AK8: variants seen among roughly 807,000 people sequenced by gnomAD.
AK8 encodes adenylate kinase 8, also known as ATP-AMP transphosphorylase 8.
A neutral mutation model predicts 54.6 loss-of-function variants in AK8; 44 were observed. The observed-to-expected ratio is 0.81, with a 90% CI of 0.63 to 1.04. AK8 has a LOEUF of 1.04. Ranked by LOEUF, AK8 falls within the 50% of genes least tolerant of loss-of-function variation. AK8 has a pLI of 0.00. For synonymous variants in AK8, 239 were observed against 245.6 expected, an observed-to-expected ratio of 0.97 and a Z score of 0.25; for missense variants, 555 against 613.6, an observed-to-expected ratio of 0.90 and a Z score of 1.01.
At chr9:132,758,453 T>G (rs1226363822) in intron 11 of AK8, among the ~76,000 whole-genome samples, 1 of 152,146 alleles carries the variant, frequency 6.6e-6, no homozygotes, top group Non-Finnish European at 1.5e-5. Flanking sequence ...TTTTGTTTGT[T>G]TGTTTATGTT....
intron 11 of AK8, among the ~76,000 whole-genome samples, chr9:132,788,063 T>A (rs1839791194): frequency 6.6e-6 from 1 of 152,032 alleles, no homozygotes. Context: ...ACTGACAGAT[T>A]ACACAATATG....
At chr9:132,813,865 A>C (rs1481072942) in intron 10 of AK8, among the ~76,000 whole-genome samples, 10 of 152,212 alleles carry the variant, frequency 6.6e-5, no homozygotes. Context: ...GCGAGCATCT[A>C]ACTGCTGAGG....
At chr9:132,733,597 G>A (rs1311562340) in intron 11 of AK8, among the ~76,000 whole-genome samples, 3 of 152,222 alleles carry the variant, frequency 2.0e-5, no homozygotes, top group African/African-American at 4.8e-5. Flanking sequence ...GGACAGCCTC[G>A]CTGCGGAGGG....
At chr9:132,729,683 A>C (rs532480943) in intron 11 of AK8, among the ~76,000 whole-genome samples, 1 of 152,276 alleles carries the variant, frequency 6.6e-6, no homozygotes, top group African/African-American at 2.4e-5. Context: ...TAGGCACTAA[A>C]TTTAAGAGTC....
At chr9:132,784,562 AGAAAGAGAAG>A in intron 11 of AK8, among the ~76,000 whole-genome samples, 1 of 152,238 alleles carries the variant, frequency 6.6e-6, no homozygotes, top group Middle Eastern at 3.4e-3. Context: ...AGAGAAAGAA[AGAAAGAGAAG>A]GAAAGAGAAA....
In AK8 at chr9:132,877,645, C is replaced by T. The variant is rs188049635; in HGVS notation, c.84+527G>A. The T allele has an allele frequency of 5.9e-5, 20 of 337,930 alleles. No individual in the cohort carries two copies. The East Asian group carries it at 1.6e-3, about 27-fold the overall frequency. 20.9% of individuals were successfully genotyped at this position (337,930 alleles called of 1,614,324 possible). ...ATGAGAGCTTCGGAGCTGCCGGGGA[C>T]GTCTGGCCCTGAGGAGGAGGGACCA... On this transcript the variant is annotated intron_variant, in intron 1 of 12. Coordinates refer to ENST00000298545, the MANE Select transcript of AK8 (RefSeq NM_152572.3).
Position 132,799,434 on chromosome 9 carries a change from C to T in AK8, c.980-6659G>A, listed in dbSNP as rs556886256. Among the ~76,000 whole-genome samples the T allele has an allele frequency of 7.9e-5, 12 of 152,192 alleles. No individual in the cohort carries two copies. The South Asian group carries it at 2.3e-3, about 29-fold the overall frequency. ...GGGCAAACAGGAAAGAGCTGAGTGC[C>T]TCCCCACACACCCTTGCACATGCCC... On this transcript the variant is annotated intron_variant, in intron 10 of 12. Transcript: ENST00000298545. The surrounding 1 kb of genome is among the most constrained non-coding windows in gnomAD (Gnocchi z 5.0).
chr9:132,740,117 C>T (rs550444473), intron 11 of AK8, among the ~76,000 whole-genome samples: 82 of 152,342 alleles, frequency 5.4e-4, no homozygotes, highest in African/African-American at 1.6e-3. Flanking sequence ...TGGTGCAGCC[C>T]AGTTCTAGCA....
At chr9:132,815,856 G>T (rs1161790446) in intron 9 of AK8, among the ~76,000 whole-genome samples, 1 of 152,254 alleles carries the variant, frequency 6.6e-6, no homozygotes, top group Non-Finnish European at 1.5e-5. Flanking sequence ...TTAGGGCTAA[G>T]AAGTTTTCTG....
chr9:132,739,441 C>CA (rs768297504), intron 11 of AK8, among the ~76,000 whole-genome samples: 352 of 31,158 alleles, frequency 0.011, 81 homozygotes, highest in African/African-American at 0.019. Flanking sequence ...GACTCTGTCT[C>CA]AAAAAAAAAA....
At chr9:132,847,619 C>A (rs989694576) in intron 5 of AK8, among the ~76,000 whole-genome samples, 1 of 152,092 alleles carries the variant, frequency 6.6e-6, no homozygotes, top group African/African-American at 2.4e-5. Flanking sequence ...AGGAGTACCA[C>A]CCCCCTATAT....
chr9:132,778,184 G>T (rs1423871551), intron 11 of AK8, among the ~76,000 whole-genome samples: 1 of 152,196 alleles, frequency 6.6e-6, no homozygotes, highest in African/African-American at 2.4e-5. Flanking sequence ...CACAGTCAAT[G>T]ATATGTATTC....
chr9:132,808,844 C>T lies in AK8; in HGVS notation c.979+5794G>A, dbSNP rs561850469. Among the ~76,000 whole-genome samples, 3 of 152,314 alleles carry T rather than the reference C, an allele frequency of 2.0e-5. No homozygotes were observed. The East Asian group carries it at 5.8e-4, about 29-fold the overall frequency. On this transcript the variant is annotated intron_variant, in intron 10 of 12. Transcript: ENST00000298545. ...AGCAGAAGGCCAGCAGCCGGGAGCA[C>T]AGGCAGGGCGGAGTCCCCAGGGAAG...
At chr9:132,873,364 G>A (rs1843939942) in intron 2 of AK8, among the ~76,000 whole-genome samples, 1 of 152,150 alleles carries the variant, frequency 6.6e-6, no homozygotes, top group South Asian at 2.1e-4. Flanking sequence ...TGAGGCCAAA[G>A]AGAGCCACGA....
intron 11 of AK8, among the ~76,000 whole-genome samples, chr9:132,784,763 A>G (rs2131141074): frequency 6.6e-6 from 1 of 152,338 alleles, no homozygotes; most frequent in African/African-American, 2.4e-5. Flanking sequence ...TTTAGTATCT[A>G]TGTACCCTAG....
intron 2 of AK8, 114 bp from the exon 3 acceptor site, chr9:132,867,067 G>C: frequency 1.0e-6 from 1 of 1,003,584 alleles, no homozygotes. Flanking sequence ...TTCTGCCAGT[G>C]ACACGGCCAT....
chr9:132,804,531 C>T (rs775736678), intron 10 of AK8, among the ~76,000 whole-genome samples: 2 of 151,816 alleles, frequency 1.3e-5, no homozygotes, highest in Non-Finnish European at 2.9e-5. Flanking sequence ...CCCTGCCTCC[C>T]GCATCCCCTG....
In AK8 at chr9:132,725,718, G is replaced by A. The variant is rs750837318; in HGVS notation, c.1410C>T (p.Ile470=). ...GGATTTTCTTGGGCAGGGGATTAATGATCCCACTCTCGATGTATTCGAAGA... is the reference window on the plus strand; with the variant it reads ...GGATTTTCTTGGGCAGGGGATTAATAATCCCACTCTCGATGTATTCGAAGA... ...YTVFEYIESG[I]INPLPKKIP The change falls in exon 13 of 13, where the codon ATC becomes ATT. Residue 470 remains isoleucine (I), a synonymous_variant. Transcript: ENST00000298545. 1 of 1,581,274 alleles carries A rather than the reference G, an allele frequency of 6.3e-7. No homozygotes were observed. Among genetic ancestry groups the A allele is most frequent in the South Asian group, 1.2e-5 (1 of 86,560 alleles).
chr9:132,849,373 C>G (rs1842881048), intron 5 of AK8, among the ~76,000 whole-genome samples: 1 of 152,206 alleles, frequency 6.6e-6, no homozygotes, highest in Non-Finnish European at 1.5e-5. Context: ...CAGCCGTGCC[C>G]TTTTGTGTCT....
Sources: allele counts gnomAD v4.1 joint callset (sites outside exome capture counted in the v4.1 genomes callset), GRCh38; gene constraint gnomAD v4.1.1; non-coding constraint Gnocchi (gnomAD v3.1); transcripts MANE v1.5; gene names NCBI Gene and HGNC (gene_info 2026-07-23, HGNC 2026-07-21).